Variants in PRKD1 observed in about 807,000 individuals in gnomAD.
PRKD1 encodes the protein serine/threonine-protein kinase D1.
A neutral mutation model predicts 95.9 loss-of-function variants in PRKD1; 63 were observed. The ratio of observed to expected loss-of-function variants is 0.66; its 90% CI spans 0.54 to 0.81. The LOEUF is 0.81. Ranked by LOEUF, PRKD1 falls within the 30% of genes least tolerant of loss-of-function variation. The pLI, the probability that PRKD1 is intolerant of heterozygous loss-of-function variation, is 0.00. For synonymous variants in PRKD1, 425 were observed against 423.1 expected, an observed-to-expected ratio of 1.00 and a Z score of -0.05; for missense variants, 1,048 against 1,165.3, an observed-to-expected ratio of 0.90 and a Z score of 1.47.
intron 2 of PRKD1, among the ~76,000 whole-genome samples, chr14:29,702,958 T>C (rs1237464777): frequency 6.6e-6 from 1 of 152,162 alleles, no homozygotes; most frequent in Non-Finnish European, 1.5e-5. Flanking sequence ...TTAATAAATT[T>C]TGTTTGTCCT....
At chr14:29,844,869 T>C (rs1304683567) in intron 1 of PRKD1, among the ~76,000 whole-genome samples, 5 of 152,080 alleles carry the variant, frequency 3.3e-5, no homozygotes, top group African/African-American at 1.2e-4. Flanking sequence ...CCATCAGATA[T>C]CCGTTCTGGT....
At chr14:29,594,762 T>C (rs1405254437) in intron 16 of PRKD1, among the ~76,000 whole-genome samples, 2 of 152,218 alleles carry the variant, frequency 1.3e-5, no homozygotes, top group African/African-American at 4.8e-5. Flanking sequence ...ATACGATTAA[T>C]AGTTGTGCTG....
intron 1 of PRKD1, among the ~76,000 whole-genome samples, chr14:29,921,485 C>T (rs768197477): frequency 6.6e-6 from 1 of 151,906 alleles, no homozygotes; most frequent in African/African-American, 2.4e-5. Context: ...TTATTATGCA[C>T]GTATTTACAA....
intron 1 of PRKD1, among the ~76,000 whole-genome samples, chr14:29,846,784 A>C (rs1892095181): frequency 6.6e-6 from 1 of 152,196 alleles, no homozygotes; most frequent in South Asian, 2.1e-4. Flanking sequence ...AGGACAAGGA[A>C]GTGATAAAAA....
At chr14:29,819,413 G>A (rs551860091) in intron 1 of PRKD1, among the ~76,000 whole-genome samples, 52 of 152,220 alleles carry the variant, frequency 3.4e-4, no homozygotes, top group East Asian at 2.1e-3. Context: ...AATGGGGGCC[G>A]GGCGCGGTGG....
At chr14:29,904,292 G>A (rs184618326) in intron 1 of PRKD1, among the ~76,000 whole-genome samples, 41 of 152,192 alleles carry the variant, frequency 2.7e-4, no homozygotes, top group Middle Eastern at 3.4e-3. Flanking sequence ...TTATTAAACC[G>A]CCTGAAAAAG....
intron 1 of PRKD1, among the ~76,000 whole-genome samples, chr14:29,728,165 A>AT (rs1233581291): frequency 6.6e-6 from 1 of 152,076 alleles, no homozygotes; most frequent in Non-Finnish European, 1.5e-5. Flanking sequence ...TATAATAATA[A>AT]AAAAAAGAAA....
intron 1 of PRKD1, among the ~76,000 whole-genome samples, chr14:29,850,099 G>A (rs1033268859): frequency 2.6e-5 from 4 of 152,064 alleles, no homozygotes; most frequent in Non-Finnish European, 4.4e-5. Context: ...ATGTCATACT[G>A]AATGGACAAA....
intron 1 of PRKD1, among the ~76,000 whole-genome samples, chr14:29,733,104 A>ATTTT (rs1203278375): frequency 7.3e-6 from 1 of 137,010 alleles, no homozygotes; most frequent in African/African-American, 2.7e-5. Flanking sequence ...ATTTTTATTT[A>ATTTT]TTTATTTTTT....
intron 11 of PRKD1, 32 bp downstream of exon 11, chr14:29,629,009 A>G: frequency 1.4e-6 from 2 of 1,429,042 alleles, no homozygotes; most frequent in Non-Finnish European, 1.9e-6. Context: ...TAATCACATT[A>G]GCAAGTTTTA....
chr14:29,848,215 A>G (rs1892160002), intron 1 of PRKD1, among the ~76,000 whole-genome samples: 1 of 152,068 alleles, frequency 6.6e-6, no homozygotes, highest in Admixed American at 6.6e-5. Context: ...TAAATATCAG[A>G]GATCTGTGTT....
At position 29,600,477 on chromosome 14, in the gene PRKD1, G is replaced by A. The variant is rs190926236; in HGVS notation, c.1906-660C>T. 1.4e-4 allele frequency among the ~76,000 whole-genome samples: 22 copies of A among 152,232 alleles called. No individual in the cohort carries two copies. In the East Asian group the frequency reaches 2.5e-3, roughly 17 times the overall value. ...TTGAACTGTGTGGGTCCACTTACATGTGGATATTTTTCGATAAGTACAGTT... is the reference window on the plus strand; with the variant it reads ...TTGAACTGTGTGGGTCCACTTACATATGGATATTTTTCGATAAGTACAGTT... On this transcript the variant is annotated intron_variant, in intron 13 of 17. Transcript: ENST00000331968.
At chr14:29,907,290 T>C (rs1894527875) in intron 1 of PRKD1, among the ~76,000 whole-genome samples, 1 of 152,164 alleles carries the variant, frequency 6.6e-6, no homozygotes, top group African/African-American at 2.4e-5. Flanking sequence ...TTTTAAAAAT[T>C]ATTTGAATAA....
chr14:29,715,000 C>A (rs934985515), intron 2 of PRKD1, among the ~76,000 whole-genome samples: 1 of 151,952 alleles, frequency 6.6e-6, no homozygotes, highest in African/African-American at 2.4e-5. Context: ...AGGAGAAATA[C>A]CTAATGTAGA....
intron 1 of PRKD1, among the ~76,000 whole-genome samples, chr14:29,758,328 A>C (rs1399635868): frequency 1.3e-5 from 2 of 152,178 alleles, no homozygotes; most frequent in Non-Finnish European, 2.9e-5. Flanking sequence ...TACAGACTTG[A>C]TCGAGAGGTG....
intron 2 of PRKD1, among the ~76,000 whole-genome samples, chr14:29,683,107 C>G (rs182269433): frequency 6.6e-6 from 1 of 152,200 alleles, no homozygotes. Context: ...GACTGATGTG[C>G]AGGATGGACT....
chr14:29,869,055 C>T (rs1893012343), intron 1 of PRKD1, among the ~76,000 whole-genome samples: 3 of 152,134 alleles, frequency 2.0e-5, no homozygotes, highest in Non-Finnish European at 4.4e-5. Flanking sequence ...ATCCTAAATT[C>T]TAGAATCCTA....
chr14:29,703,168 C>T (rs1216932312), intron 2 of PRKD1, among the ~76,000 whole-genome samples: 1 of 152,160 alleles, frequency 6.6e-6, no homozygotes, highest in Non-Finnish European at 1.5e-5. Context: ...ACTCAAGAAG[C>T]TTTCCTATTT....
At chr14:29,603,295 T>C (rs1476073091) in intron 13 of PRKD1, among the ~76,000 whole-genome samples, 1 of 152,234 alleles carries the variant, frequency 6.6e-6, no homozygotes, top group African/African-American at 2.4e-5. Flanking sequence ...ACATTTATTG[T>C]ATATGGTTGA....
Sources: allele counts gnomAD v4.1 joint callset (sites outside exome capture counted in the v4.1 genomes callset), GRCh38; gene constraint gnomAD v4.1.1; transcripts MANE v1.5; gene names NCBI Gene and HGNC (gene_info 2026-07-23, HGNC 2026-07-21).